The following DLG2 variants were observed in gnomAD, a reference collection of about 807,000 sequenced individuals.
DLG2 encodes discs large MAGUK scaffold protein 2.
DLG2 carries 45 observed loss-of-function variants against 132.5 expected under a neutral mutation model. The ratio of observed to expected loss-of-function variants is 0.34; its 90% CI spans 0.27 to 0.44. The LOEUF is 0.44. Ranked by LOEUF, DLG2 falls within the 20% of genes least tolerant of loss-of-function variation. The pLI is 1.00. For synonymous variants in DLG2, 424 were observed against 419.6 expected (o/e 1.01, Z -0.13); for missense variants, 1,045 against 1,196.9 (o/e 0.87, Z 1.87).
intron 18 of DLG2, among the ~76,000 whole-genome samples, chr11:83,738,478 C>T (rs923860343): frequency 6.6e-6 from 1 of 152,042 alleles, no homozygotes; most frequent in Non-Finnish European, 1.5e-5. Context: ...CTCAGCTGAG[C>T]GGGCTGTGAT....
intron 3 of DLG2, among the ~76,000 whole-genome samples, chr11:85,489,923 G>A (rs544686010): frequency 1.1e-4 from 16 of 151,868 alleles, no homozygotes; most frequent in Middle Eastern, 3.4e-3. Context: ...TTTTTTTCTT[G>A]TCCAGGTGTG....
intron 7 of DLG2, among the ~76,000 whole-genome samples, chr11:84,448,164 T>G (rs987821682): frequency 5.3e-5 from 8 of 152,092 alleles, no homozygotes; most frequent in Admixed American, 4.6e-4. Context: ...CTGACTGCTT[T>G]GGAATGGGAA....
At chr11:84,743,539 C>G (rs2064963961) in intron 6 of DLG2, among the ~76,000 whole-genome samples, 1 of 152,136 alleles carries the variant, frequency 6.6e-6, no homozygotes, top group African/African-American at 2.4e-5. Flanking sequence ...TGCTCTGTCT[C>G]TCTAAAGAAT....
intron 14 of DLG2, among the ~76,000 whole-genome samples, chr11:83,954,123 T>C (rs962947438): frequency 1.3e-5 from 2 of 152,180 alleles, no homozygotes; most frequent in African/African-American, 4.8e-5. Context: ...ATGATAAATA[T>C]CTATAGGAGC....
chr11:85,259,687 C>T (rs2076843295), intron 4 of DLG2, among the ~76,000 whole-genome samples: 1 of 151,870 alleles, frequency 6.6e-6, no homozygotes, highest in Non-Finnish European at 1.5e-5. Flanking sequence ...TAAAGCTTCC[C>T]ATCTGAACCT....
At chr11:84,039,287 T>C (rs1278526125) in intron 11 of DLG2, among the ~76,000 whole-genome samples, 2 of 151,254 alleles carry the variant, frequency 1.3e-5, no homozygotes, top group East Asian at 4.0e-4. Context: ...GTTACATATG[T>C]ATACATGTGC....
chr11:84,808,310 A>G (rs1406454651), intron 6 of DLG2, among the ~76,000 whole-genome samples: 6 of 152,208 alleles, frequency 3.9e-5, no homozygotes, highest in Non-Finnish European at 5.9e-5. Flanking sequence ...CAATATATCA[A>G]CATTTATGGG....
intron 6 of DLG2, among the ~76,000 whole-genome samples, chr11:84,644,084 C>G (rs1030947650): frequency 6.6e-6 from 1 of 152,116 alleles, no homozygotes; most frequent in African/African-American, 2.4e-5. Context: ...TTATTTTTTG[C>G]TTCCCCAATA....
chr11:83,926,666 G>T (rs137960401), intron 15 of DLG2, among the ~76,000 whole-genome samples: 1 of 152,080 alleles, frequency 6.6e-6, no homozygotes, highest in Non-Finnish European at 1.5e-5. Context: ...GTAATAAGAC[G>T]TAGACTGTGA....
chr11:85,596,751 T>A (rs960666584), intron 3 of DLG2, among the ~76,000 whole-genome samples: 3 of 152,186 alleles, frequency 2.0e-5, no homozygotes, highest in Non-Finnish European at 2.9e-5. Context: ...TTTACAAAGA[T>A]ATAAATCTTC....
chr11:84,239,423 C>T (rs1277524551), intron 8 of DLG2, among the ~76,000 whole-genome samples: 1 of 152,124 alleles, frequency 6.6e-6, no homozygotes, highest in Non-Finnish European at 1.5e-5. Flanking sequence ...CTCAGGTGAT[C>T]CTCCCACCTC....
chr11:85,521,892 G>T (rs1000318970), intron 3 of DLG2, among the ~76,000 whole-genome samples: 13 of 152,006 alleles, frequency 8.6e-5, no homozygotes, highest in Non-Finnish European at 1.3e-4. Context: ...TCATTAAAAA[G>T]GAAGCAGAAC....
chr11:84,732,295 C>T (rs750971789), intron 6 of DLG2, among the ~76,000 whole-genome samples: 5 of 151,976 alleles, frequency 3.3e-5, no homozygotes, highest in Non-Finnish European at 5.9e-5. Flanking sequence ...AATGGATTTG[C>T]TTGATAACCT....
intron 7 of DLG2, among the ~76,000 whole-genome samples, chr11:84,313,676 AG>A: frequency 6.6e-6 from 1 of 151,928 alleles, no homozygotes; most frequent in African/African-American, 2.4e-5. Context: ...AAAGAAAGAA[AG>A]AAAGAAAGAA....
intron 15 of DLG2, among the ~76,000 whole-genome samples, chr11:83,921,638 T>C (rs2077940768): frequency 6.6e-6 from 1 of 152,168 alleles, no homozygotes; most frequent in Non-Finnish European, 1.5e-5. Context: ...TTTGTTGCCA[T>C]GGTGATTTTT....
At chr11:84,461,208 G>T (rs927383950) in intron 7 of DLG2, among the ~76,000 whole-genome samples, 4 of 150,810 alleles carry the variant, frequency 2.7e-5, no homozygotes, top group East Asian at 1.9e-4. Flanking sequence ...TATACCATGT[G>T]CCACTATCTC....
intron 3 of DLG2, among the ~76,000 whole-genome samples, chr11:85,585,792 C>A (rs2078928997): frequency 6.6e-6 from 1 of 151,894 alleles, no homozygotes; most frequent in Non-Finnish European, 1.5e-5. Context: ...TGGCTCACTG[C>A]AACCTCTGCC....
intron 7 of DLG2, among the ~76,000 whole-genome samples, chr11:84,302,509 A>G (rs2098167088): frequency 6.6e-6 from 1 of 152,206 alleles, no homozygotes; most frequent in South Asian, 2.1e-4. Context: ...AAGTTTAGCT[A>G]GATCTGTGAG....
At chr11:84,206,176 T>C (rs553577563) in intron 8 of DLG2, among the ~76,000 whole-genome samples, 48 of 152,138 alleles carry the variant, frequency 3.2e-4, no homozygotes, top group Non-Finnish European at 5.9e-4. Context: ...CAAGAAGGAA[T>C]AGAAAACTGT....
Sources: gnomAD v4.1 joint callset for allele counts (sites outside exome capture counted in the v4.1 genomes callset) on GRCh38, gnomAD v4.1.1 for gene constraint, MANE v1.5 for transcripts, NCBI Gene and HGNC (gene_info 2026-07-23, HGNC 2026-07-21) for gene names.